SLC24A3: variants seen among roughly 807,000 people sequenced by gnomAD.
SLC24A3 encodes the protein solute carrier family 24 member 3, also known as sodium/potassium/calcium exchanger 3.
Under a neutral mutation model 75.8 loss-of-function variants are expected in SLC24A3, and 28 were observed. The observed-to-expected ratio is 0.37, with a 90% CI of 0.27 to 0.51. The LOEUF is 0.51. Among genes scored for constraint, SLC24A3 ranks in the 20% least tolerant of loss-of-function variants. SLC24A3 has a pLI of 0.94. For missense variants in SLC24A3, 663 were observed against 847.8 expected (o/e 0.78, Z 2.71); for synonymous variants, 372 against 334.1 (o/e 1.11, Z -1.24).
Position 19,212,998 on chromosome 20 carries a change from G to A in SLC24A3, c.142+14G>A. On this transcript the variant is annotated intron_variant, in intron 1 of 16. Transcript: ENST00000328041. The stretch of plus-strand genomic sequence containing the variant: ...GAGAGCAGAAGGGTGAGTGCACGCT[G>A]CCTGCCCCGAGTGGGCGCTGCGGCT... 7.9e-7 allele frequency: 1 copy of A among 1,258,770 alleles called. No homozygotes were observed. The highest frequency in any genetic ancestry group is 3.6e-5 in the South Asian group (1 of 28,138). The allele number at this position is 1,258,770 out of a possible 1,614,324, so 78.0% of individuals were successfully genotyped here. A position where few individuals can be genotyped will look rare whatever the true frequency, so the allele number is the denominator to read the frequency against.
chr20:19,396,317 C>T (rs1208774384), intron 2 of SLC24A3, among the ~76,000 whole-genome samples: 1 of 152,062 alleles, frequency 6.6e-6, no homozygotes, highest in Non-Finnish European at 1.5e-5. Context: ...TTTCTAATAG[C>T]TACATTAAAT....
intron 2 of SLC24A3, among the ~76,000 whole-genome samples, chr20:19,391,035 A>G (rs1986356245): frequency 6.6e-6 from 1 of 152,170 alleles, no homozygotes; most frequent in Non-Finnish European, 1.5e-5. Flanking sequence ...TTGCAAAGCC[A>G]CCCTGGTGCT....
intron 2 of SLC24A3, among the ~76,000 whole-genome samples, chr20:19,359,926 A>G (rs742819): frequency 0.54 from 82,132 of 151,878 alleles, 23,883 homozygotes; most frequent in African/African-American, 0.76. Context: ...TAGGTGAGGA[A>G]GGTGGGGTAT....
At chr20:19,228,378 G>T (rs1259931752) in intron 1 of SLC24A3, among the ~76,000 whole-genome samples, 1 of 152,140 alleles carries the variant, frequency 6.6e-6, no homozygotes, top group Non-Finnish European at 1.5e-5. Flanking sequence ...GGTGGCTCAC[G>T]CCTGTAATCC....
chr20:19,513,024 T>C (rs1483789347), intron 2 of SLC24A3, among the ~76,000 whole-genome samples: 1 of 152,142 alleles, frequency 6.6e-6, no homozygotes, highest in Non-Finnish European at 1.5e-5. Flanking sequence ...GCTCTGAGAC[T>C]AGGAGAACAA....
chr20:19,666,749 C>T (rs1212460768), intron 8 of SLC24A3, among the ~76,000 whole-genome samples: 5 of 152,008 alleles, frequency 3.3e-5, no homozygotes, highest in East Asian at 1.9e-4. Flanking sequence ...TTTGGGAGGC[C>T]GAGGTGGGCG....
intron 15 of SLC24A3, among the ~76,000 whole-genome samples, chr20:19,706,611 G>A (rs900054479): frequency 6.6e-6 from 1 of 152,066 alleles, no homozygotes; most frequent in African/African-American, 2.4e-5. Flanking sequence ...TGGGAGGGGT[G>A]AGGAGTTGGG....
intron 1 of SLC24A3, among the ~76,000 whole-genome samples, chr20:19,248,165 A>G (rs1451285225): frequency 1.3e-5 from 2 of 152,236 alleles, no homozygotes; most frequent in Non-Finnish European, 2.9e-5. Flanking sequence ...GGCTTGGAGA[A>G]AATCTACCAT....
chr20:19,631,039 T>G (rs935714335), intron 6 of SLC24A3, among the ~76,000 whole-genome samples: 3 of 152,180 alleles, frequency 2.0e-5, no homozygotes. Context: ...GGATTTTAAG[T>G]ATTTTATTAT....
intron 15 of SLC24A3, among the ~76,000 whole-genome samples, chr20:19,699,478 A>G (rs2032847373): frequency 1.3e-5 from 2 of 152,240 alleles, no homozygotes; most frequent in African/African-American, 4.8e-5. Context: ...GTAGTAACAG[A>G]TGGTAAGATA....
At chr20:19,669,597 G>C (rs866855202) in intron 8 of SLC24A3, among the ~76,000 whole-genome samples, 1 of 152,144 alleles carries the variant, frequency 6.6e-6, no homozygotes, top group South Asian at 2.1e-4. Context: ...GAAGGAATTC[G>C]GAATGTGTCT....
At chr20:19,665,213 T>A (rs2032383438) in intron 7 of SLC24A3, among the ~76,000 whole-genome samples, 1 of 152,230 alleles carries the variant, frequency 6.6e-6, no homozygotes. Context: ...GGCAGGACCA[T>A]GCCCAGGGCT....
At chr20:19,303,704 T>C (rs1434129616) in intron 2 of SLC24A3, among the ~76,000 whole-genome samples, 4 of 152,188 alleles carry the variant, frequency 2.6e-5, no homozygotes, top group African/African-American at 9.7e-5. Context: ...AAAATGATCA[T>C]TTTTAGAGGA....
At position 19,555,287 on chromosome 20, in the gene SLC24A3, C is replaced by T. The variant is rs6106102; in HGVS notation, c.349-24713C>T. On this transcript the variant is annotated intron_variant, in intron 3 of 16. Coordinates refer to ENST00000328041, the MANE Select transcript of SLC24A3 (RefSeq NM_020689.4). ...AATGTCCCAGGATCCTGAAGAGGCT[C>T]AGTGGTGGCAGCAAAAGCAGATTAT... Among the ~76,000 whole-genome samples the T allele has an allele frequency of 6.9e-3, 1,055 of 152,264 alleles. 7 individuals carry two copies. The highest frequency in any genetic ancestry group is 0.031 in the Middle Eastern group (9 of 294).
chr20:19,323,063 G>A (rs1225708951), intron 2 of SLC24A3, among the ~76,000 whole-genome samples: 3 of 151,494 alleles, frequency 2.0e-5, no homozygotes, highest in African/African-American at 4.9e-5. Flanking sequence ...AAAATTAGCC[G>A]GGCGTGGTAG....
intron 9 of SLC24A3, among the ~76,000 whole-genome samples, chr20:19,681,066 G>A (rs1391877463): frequency 6.6e-6 from 1 of 152,140 alleles, no homozygotes; most frequent in African/African-American, 2.4e-5. Flanking sequence ...GTTTTTATGA[G>A]TTTTCTAGGA....
intron 6 of SLC24A3, among the ~76,000 whole-genome samples, chr20:19,586,898 T>G (rs1335195115): frequency 6.6e-6 from 1 of 152,196 alleles, no homozygotes; most frequent in Non-Finnish European, 1.5e-5. Context: ...AATGAGCTCA[T>G]GTCTTAGATT....
intron 1 of SLC24A3, among the ~76,000 whole-genome samples, chr20:19,269,133 A>C (rs1983250830): frequency 6.6e-6 from 1 of 152,232 alleles, no homozygotes; most frequent in Non-Finnish European, 1.5e-5. Context: ...AATAAAATTA[A>C]AAATTCAGCT....
chr20:19,507,926 G>T (rs1169686389), intron 2 of SLC24A3, among the ~76,000 whole-genome samples: 5 of 152,194 alleles, frequency 3.3e-5, no homozygotes, highest in African/African-American at 1.2e-4. Flanking sequence ...CCAGCCTGGT[G>T]GGTGCTGATG....
Sources: gnomAD v4.1 joint callset for allele counts (sites outside exome capture counted in the v4.1 genomes callset) on GRCh38, gnomAD v4.1.1 for gene constraint, MANE v1.5 for transcripts, NCBI Gene and HGNC (gene_info 2026-07-23, HGNC 2026-07-21) for gene names.